The following GBE1 variants were observed in gnomAD, a reference collection of about 807,000 sequenced individuals.
The protein encoded by GBE1 is 1,4-alpha-glucan-branching enzyme.
A neutral mutation model predicts 88.8 loss-of-function variants in GBE1; 70 were observed. That is an observed-to-expected ratio of 0.79 (90% CI 0.65 to 0.96). The LOEUF is 0.96. GBE1 is among the 40% of genes least tolerant of loss of function. GBE1 has a pLI of 0.00. For synonymous variants in GBE1, 284 were observed against 300.1 expected, an observed-to-expected ratio of 0.95 and a Z score of 0.56; for missense variants, 872 against 871.0, an observed-to-expected ratio of 1.00 and a Z score of -0.01.
intron 7 of GBE1, among the ~76,000 whole-genome samples, chr3:81,629,962 C>A (rs1704483903): frequency 6.7e-6 from 1 of 149,298 alleles, no homozygotes; most frequent in Non-Finnish European, 1.5e-5. Context: ...TGAGAACATG[C>A]AGTGTTTGGT....
intron 14 of GBE1, among the ~76,000 whole-genome samples, chr3:81,521,178 T>C (rs1205944130): frequency 6.6e-6 from 1 of 151,526 alleles, no homozygotes; most frequent in East Asian, 1.9e-4. Context: ...TTCAAAAAAA[T>C]TGAACCTGTT....
intron 2 of GBE1, among the ~76,000 whole-genome samples, chr3:81,703,870 T>C (rs1011340866): frequency 1.3e-5 from 2 of 151,990 alleles, no homozygotes; most frequent in Admixed American, 6.6e-5. Flanking sequence ...TTGTAAATAA[T>C]CCAGACATGA....
At chr3:81,707,374 T>C (rs1246487876) in intron 1 of GBE1, among the ~76,000 whole-genome samples, 3 of 152,040 alleles carry the variant, frequency 2.0e-5, no homozygotes, top group Non-Finnish European at 2.9e-5. Context: ...AAATTTAAAA[T>C]TGAGTTTTAG....
chr3:81,501,251 A>G (rs1286029805), intron 14 of GBE1, among the ~76,000 whole-genome samples: 1 of 152,202 alleles, frequency 6.6e-6, no homozygotes, highest in Non-Finnish European at 1.5e-5. Flanking sequence ...GAGGAAATAT[A>G]TGGGGGAAAC....
At chr3:81,659,117 A>T (rs1193295834) in intron 3 of GBE1, among the ~76,000 whole-genome samples, 2 of 152,136 alleles carry the variant, frequency 1.3e-5, no homozygotes, top group African/African-American at 2.4e-5. Context: ...TGAAGGTTAG[A>T]ATTCTATTAA....
At chr3:81,705,682 A>C in intron 1 of GBE1, 69 bp from the exon 2 acceptor site, 1 of 1,021,006 alleles carries the variant, frequency 9.8e-7, no homozygotes, top group Non-Finnish European at 1.4e-6. Flanking sequence ...ACTGTAATTA[A>C]GTAACTGCTT....
rs1413202867 is a variant in GBE1 at position 81,761,588 on chromosome 3, C to T, written c.-71G>A. 6.6e-7 allele frequency: 1 copy of T among 1,520,212 alleles called. No individual in the cohort carries two copies. 94.2% of individuals were successfully genotyped at this position (1,520,212 alleles called of 1,614,324 possible). On this transcript the variant is annotated 5_prime_UTR_variant, in exon 1 of 16. Transcript: ENST00000429644. Reference sequence around the variant, plus strand: ...GCCTGAGCGGGCGCTGGAGCTCTAGCTGGGACGCGGCGGCTAGGGCGGAGC... The same window carrying T: ...GCCTGAGCGGGCGCTGGAGCTCTAGTTGGGACGCGGCGGCTAGGGCGGAGC...
intron 14 of GBE1, among the ~76,000 whole-genome samples, chr3:81,523,953 T>C (rs1471700557): frequency 6.6e-6 from 1 of 151,836 alleles, no homozygotes; most frequent in Non-Finnish European, 1.5e-5. Flanking sequence ...AGTGCTACAA[T>C]AAAAGAGGAG....
chr3:81,752,973 A>T (rs1246068655), intron 1 of GBE1, among the ~76,000 whole-genome samples: 1 of 152,210 alleles, frequency 6.6e-6, no homozygotes, highest in African/African-American at 2.4e-5. Flanking sequence ...TTTACTGAGC[A>T]TCTTCACATG....
At chr3:81,612,573 C>G in intron 7 of GBE1, 1 of 717,326 alleles carries the variant, frequency 1.4e-6, no homozygotes, top group Non-Finnish European at 2.5e-6. Flanking sequence ...GTTGTTACCC[C>G]CAAATTTGGG....
chr3:81,544,739 G>C (rs1703183676), intron 12 of GBE1, among the ~76,000 whole-genome samples: 1 of 152,078 alleles, frequency 6.6e-6, no homozygotes, highest in Non-Finnish European at 1.5e-5. Flanking sequence ...TTCCAATTGG[G>C]ACTCCTTCTC....
chr3:81,757,108 T>C (rs1451162721), intron 1 of GBE1, among the ~76,000 whole-genome samples: 1 of 152,178 alleles, frequency 6.6e-6, no homozygotes, highest in Non-Finnish European at 1.5e-5. Context: ...AAATCTTCAA[T>C]ATTCAAGAAA....
At chr3:81,579,503 A>G (rs1338649415) in intron 11 of GBE1, among the ~76,000 whole-genome samples, 1 of 152,052 alleles carries the variant, frequency 6.6e-6, no homozygotes, top group Non-Finnish European at 1.5e-5. Flanking sequence ...CCATTTGTTC[A>G]TGCCACTTAT....
intron 1 of GBE1, among the ~76,000 whole-genome samples, chr3:81,741,323 A>T (rs922323847): frequency 6.6e-6 from 1 of 152,124 alleles, no homozygotes; most frequent in Non-Finnish European, 1.5e-5. Flanking sequence ...TTTTTTTTTA[A>T]GCCAAAGAAA....
intron 14 of GBE1, among the ~76,000 whole-genome samples, chr3:81,515,333 A>C (rs1487089062): frequency 6.6e-6 from 1 of 151,458 alleles, no homozygotes; most frequent in Non-Finnish European, 1.5e-5. Context: ...TTATTTTTAC[A>C]TTATCATTAT....
Position 81,761,522 on chromosome 3 carries a change from C to T in GBE1, c.-5G>A. 5 of 1,603,202 alleles carry T rather than the reference C, an allele frequency of 3.1e-6. No homozygotes were observed. The highest frequency in any genetic ancestry group is 1.4e-5 in the African/African-American group (1 of 72,634). On this transcript the variant is annotated 5_prime_UTR_variant, in exon 1 of 16. Coordinates refer to ENST00000429644, the MANE Select transcript of GBE1 (RefSeq NM_000158.4). Reference sequence around the variant, plus strand: ...GGGAGTCATCGGAGCCGCCATATTCCGCCGCAGTCCAAGTAGCCGAGGCCC... The same window carrying T: ...GGGAGTCATCGGAGCCGCCATATTCTGCCGCAGTCCAAGTAGCCGAGGCCC...
chr3:81,656,586 T>C (rs1346127021), intron 3 of GBE1, among the ~76,000 whole-genome samples: 2 of 152,070 alleles, frequency 1.3e-5, no homozygotes, highest in African/African-American at 2.4e-5. Context: ...TAAGGGAAAA[T>C]TTGGAAACAA....
intron 3 of GBE1, among the ~76,000 whole-genome samples, chr3:81,669,000 T>C (rs919509514): frequency 1.3e-5 from 2 of 152,180 alleles, no homozygotes; most frequent in Non-Finnish European, 2.9e-5. Flanking sequence ...CAGTACCAGG[T>C]ACACAGAAGA....
intron 1 of GBE1, among the ~76,000 whole-genome samples, chr3:81,723,205 C>T (rs1447635651): frequency 6.6e-6 from 1 of 151,392 alleles, no homozygotes; most frequent in Admixed American, 6.6e-5. Context: ...CAAATGTCAA[C>T]CCCACCCTAT....
Sources: gnomAD v4.1 joint callset for allele counts (sites outside exome capture counted in the v4.1 genomes callset) on GRCh38, gnomAD v4.1.1 for gene constraint, MANE v1.5 for transcripts, NCBI Gene and HGNC (gene_info 2026-07-23, HGNC 2026-07-21) for gene names.